The following CD4 variants were observed in gnomAD, a reference collection of about 807,000 sequenced individuals.
CD4 encodes T-cell surface glycoprotein CD4.
A neutral mutation model predicts 50.5 loss-of-function variants in CD4; 25 were observed. That is an observed-to-expected ratio of 0.49 (90% CI 0.36 to 0.69). CD4 has a LOEUF of 0.69. Among genes scored for constraint, CD4 ranks in the 30% least tolerant of loss-of-function variants. The pLI, the probability that CD4 is intolerant of heterozygous loss-of-function variation, is 0.00. For missense variants in CD4, 456 were observed against 548.5 expected (o/e 0.83, Z 1.68); for synonymous variants, 207 against 221.9 (o/e 0.93, Z 0.60).
chr12:6,818,315 C>T lies in CD4; in HGVS notation c.1157-106C>T. On this transcript the variant is annotated intron_variant, in intron 7 of 9. Coordinates refer to ENST00000011653, the MANE Select transcript of CD4 (RefSeq NM_000616.5). This position sits in a 1 kb window ranked among gnomAD's most constrained non-coding sequence, Gnocchi z 5.0. The stretch of plus-strand genomic sequence containing the variant: ...CAGGCACCCCTCCCCTCTCCCCCAA[C>T]CCCAGGGTCAAACCAGAGACTGGCC... 1 of 1,437,500 alleles carries T rather than the reference C, an allele frequency of 7.0e-7. No homozygotes were observed. The highest frequency in any genetic ancestry group is 9.5e-7 in the Non-Finnish European group (1 of 1,052,646). The allele number at this position is 1,437,500 out of a possible 1,614,324, so 89.0% of individuals were successfully genotyped here.
At chr12:6,809,655 C>A (rs1165354782) in intron 3 of CD4, among the ~76,000 whole-genome samples, 1 of 152,092 alleles carries the variant, frequency 6.6e-6, no homozygotes, top group Non-Finnish European at 1.5e-5. Context: ...CTTCCCCCTG[C>A]TGCAGCATTG....
At position 6,800,455 on chromosome 12, in the gene CD4, C is replaced by T. The variant is rs782102919; in HGVS notation, c.198C>T (p.Gly66=). The change falls in exon 3 of 10, where the codon GGC becomes GGT. Residue 66 remains glycine (G), a synonymous_variant. Coordinates refer to ENST00000011653, the MANE Select transcript of CD4 (RefSeq NM_000616.5). ...SNQIKILGNQ[G]SFLTKGPSKL... ...AGATAAAGATTCTGGGAAATCAGGG[C>T]TCCTTCTTAACTAAAGGTAGGGTTG... 1 of 1,613,408 alleles carries T rather than the reference C, an allele frequency of 6.2e-7. No homozygotes were observed. Among genetic ancestry groups the T allele is most frequent in the Non-Finnish European group, 8.5e-7 (1 of 1,179,732 alleles).
intron 3 of CD4, among the ~76,000 whole-genome samples, chr12:6,808,639 G>T (rs372868944): frequency 2.0e-5 from 3 of 151,734 alleles, no homozygotes; most frequent in African/African-American, 7.3e-5. Flanking sequence ...CTATTTCATT[G>T]TAAGTTATTT....
chr12:6,799,192 T>G (rs1160243393), intron 1 of CD4: 1 of 152,160 alleles, frequency 6.6e-6, no homozygotes, highest in African/African-American at 2.4e-5. Flanking sequence ...CACACACAAA[T>G]AGCAAAGCAG....
intron 1 of CD4, among the ~76,000 whole-genome samples, chr12:6,794,473 G>A (rs1942302975): frequency 1.3e-5 from 2 of 151,522 alleles, no homozygotes; most frequent in Admixed American, 1.3e-4. Context: ...CCGGGTTCAA[G>A]TGATTCTCCT....
In CD4 at chr12:6,817,156, T is replaced by C. The variant is rs1366978901; in HGVS notation, c.982T>C (p.Cys328Arg). 1.2e-6 allele frequency: 2 copies of C among 1,614,016 alleles called. No individual in the cohort carries two copies. The highest frequency in any genetic ancestry group is 2.7e-5 in the African/African-American group (2 of 74,930). ...CACTCAGCTCCAGAAAAATTTGACC[T>C]GTGAGGTGTGGGGACCCACCTCCCC... is the stretch of plus-strand genomic sequence containing the variant. The part of the protein sequence containing the change: ...RATQLQKNLT[C>R]EVWGPTSPKL... Residue 328 changes from cysteine to arginine, a missense_variant, in exon 7 of 10, where the codon TGT (cysteine) becomes CGT (arginine). By Grantham distance (180) the Cys-to-Arg change is radical (BLOSUM62 -3). Coordinates refer to ENST00000011653, the MANE Select transcript of CD4 (RefSeq NM_000616.5).
intron 7 of CD4, among the ~76,000 whole-genome samples, 185 bp downstream of exon 7, chr12:6,817,515 G>A (rs1943112466): frequency 6.6e-6 from 1 of 152,002 alleles, no homozygotes; most frequent in Admixed American, 6.6e-5. Flanking sequence ...AAGTGAGGTG[G>A]GTTGTGGTCC....
At chr12:6,799,999 G>T in intron 1 of CD4, 73 bp from the exon 2 acceptor site, 1 of 727,910 alleles carries the variant, frequency 1.4e-6, no homozygotes, top group East Asian at 2.5e-5. Flanking sequence ...TCCTGAGGGA[G>T]AGGTTGTGTA....
chr12:6,815,133 T>A, intron 5 of CD4, 141 bp downstream of exon 5: 1 of 636,384 alleles, frequency 1.6e-6, no homozygotes, highest in Non-Finnish European at 2.8e-6. Context: ...AGCTGAGGCC[T>A]GTCTTGAAGG....
chr12:6,811,255 AT>A (rs533387895), intron 3 of CD4, among the ~76,000 whole-genome samples: 6 of 152,110 alleles, frequency 3.9e-5, no homozygotes, highest in African/African-American at 1.4e-4. Context: ...TGCTATGTAA[AT>A]TTAGCTTCTA....
chr12:6,794,562 G>A (rs1942306396), intron 1 of CD4, among the ~76,000 whole-genome samples: 1 of 151,474 alleles, frequency 6.6e-6, no homozygotes, highest in Non-Finnish European at 1.5e-5. Flanking sequence ...AGTAGAGATG[G>A]GATTTCACTA....
chr12:6,812,547 C>T (rs1439573816), intron 3 of CD4, among the ~76,000 whole-genome samples: 5 of 151,972 alleles, frequency 3.3e-5, no homozygotes, highest in South Asian at 2.1e-4. Context: ...GGCTTGGTTG[C>T]GCATGCCTGT....
In CD4 at chr12:6,809,373, G is replaced by A. The variant is rs11064409; in HGVS notation, c.215-4769G>A. ...TAGTCGGGAGTGGTGGCACATGCTTGTAGTCCCAGTTACTTGGGGGGCTGA... is the reference window on the plus strand; with the variant it reads ...TAGTCGGGAGTGGTGGCACATGCTTATAGTCCCAGTTACTTGGGGGGCTGA... On this transcript the variant is annotated intron_variant, in intron 3 of 9. Transcript: ENST00000011653. 9.6e-3 allele frequency among the ~76,000 whole-genome samples: 1,464 copies of A among 152,104 alleles called. 18 individuals are homozygous for A. Among genetic ancestry groups the A allele is most frequent in the African/African-American group, 0.033 (1,363 of 41,482 alleles).
In CD4 at chr12:6,816,279, G is replaced by C; in HGVS notation, c.831G>C (p.Lys277Asn). ...TQDPKLQMGK[K>N]LPLHLTLPQA... The stretch of plus-strand genomic sequence containing the variant: ...ACCCTAAGCTCCAGATGGGCAAGAA[G>C]CTCCCGCTCCACCTCACCCTGCCCC... The change falls in exon 6 of 10, where the codon AAG becomes AAC. Residue 277 changes from lysine (K) to asparagine (N), a missense_variant. Coordinates refer to ENST00000011653, the MANE Select transcript of CD4 (RefSeq NM_000616.5). The surrounding 1 kb of genome is among the most constrained non-coding windows in gnomAD (Gnocchi z 4.9). The C allele has an allele frequency of 1.2e-6, 2 of 1,614,188 alleles. No homozygotes were observed. Among genetic ancestry groups the C allele is most frequent in the South Asian group, 2.2e-5 (2 of 91,082 alleles).
At chr12:6,815,053 T>C (rs1943050816) in intron 5 of CD4, 61 bp downstream of exon 5, 3 of 1,155,566 alleles carry the variant, frequency 2.6e-6, no homozygotes, top group South Asian at 1.3e-5. Context: ...AGCCCCTCCC[T>C]CTGCTCTGAC....
intron 1 of CD4, among the ~76,000 whole-genome samples, chr12:6,797,047 A>C (rs1942394510): frequency 6.6e-6 from 1 of 152,112 alleles, no homozygotes; most frequent in Non-Finnish European, 1.5e-5. Flanking sequence ...TTACCTGGAG[A>C]TTTGTGAAAA....
At chr12:6,797,927 C>T (rs1295124336) in intron 1 of CD4, among the ~76,000 whole-genome samples, 1 of 152,138 alleles carries the variant, frequency 6.6e-6, no homozygotes, top group Non-Finnish European at 1.5e-5. Flanking sequence ...CGAATAGAGG[C>T]CTTCCTCCTT....
At chr12:6,814,403 GC>G in intron 4 of CD4, 103 bp downstream of exon 4, 1 of 1,232,270 alleles carries the variant, frequency 8.1e-7, no homozygotes, top group Middle Eastern at 2.5e-4. Flanking sequence ...TACCGCAGCA[GC>G]CCCAAGAGGA....
intron 3 of CD4, among the ~76,000 whole-genome samples, chr12:6,810,448 T>C (rs919693522): frequency 1.2e-4 from 18 of 152,292 alleles, no homozygotes; most frequent in Non-Finnish European, 1.6e-4. Context: ...ACTTATTTCT[T>C]GGACCATTGG....
Sources: allele counts gnomAD v4.1 joint callset (sites outside exome capture counted in the v4.1 genomes callset), GRCh38; gene constraint gnomAD v4.1.1; non-coding constraint Gnocchi (gnomAD v3.1); transcripts MANE v1.5; gene names NCBI Gene and HGNC (gene_info 2026-07-23, HGNC 2026-07-21).